Variants in DSCAM observed in about 807,000 individuals in gnomAD.
The protein encoded by DSCAM is DS cell adhesion molecule, also known as cell adhesion molecule DSCAM.
A neutral mutation model predicts 217.7 loss-of-function variants in DSCAM; 47 were observed. That is an observed-to-expected ratio of 0.22 (90% CI 0.17 to 0.28). DSCAM has a LOEUF of 0.28. Ranked by LOEUF, DSCAM falls within the 10% of genes least tolerant of loss-of-function variation. The pLI, the probability that DSCAM is intolerant of heterozygous loss-of-function variation, is 1.00. For synonymous variants in DSCAM, 1,056 were observed against 1,015.3 expected, an observed-to-expected ratio of 1.04 and a Z score of -0.76; for missense variants, 2,080 against 2,618.3, an observed-to-expected ratio of 0.79 and a Z score of 4.49.
At chr21:40,464,219 T>C (rs996027904) in intron 3 of DSCAM, among the ~76,000 whole-genome samples, 17 of 152,302 alleles carry the variant, frequency 1.1e-4, no homozygotes, top group Non-Finnish European at 2.1e-4. Context: ...TCCGGGACTG[T>C]TCTGGGAACA....
At chr21:40,107,150 C>A (rs377009539) in intron 20 of DSCAM, among the ~76,000 whole-genome samples, 1 of 152,184 alleles carries the variant, frequency 6.6e-6, no homozygotes, top group Non-Finnish European at 1.5e-5. Flanking sequence ...AGCAGTGTCT[C>A]AGAGATTCTG....
intron 3 of DSCAM, among the ~76,000 whole-genome samples, chr21:40,474,683 T>C (rs1439326538): frequency 6.6e-6 from 1 of 152,096 alleles, no homozygotes; most frequent in African/African-American, 2.4e-5. Context: ...GGTTTGCACA[T>C]TATCATTAAT....
At chr21:40,552,957 A>G (rs1028810809) in intron 3 of DSCAM, among the ~76,000 whole-genome samples, 19 of 106,280 alleles carry the variant, frequency 1.8e-4, no homozygotes, top group African/African-American at 6.0e-4. Flanking sequence ...ATGTGGAAAC[A>G]GCTTTCTAAT....
intron 1 of DSCAM, among the ~76,000 whole-genome samples, chr21:40,760,915 T>C (rs2091326723): frequency 6.6e-6 from 1 of 152,174 alleles, no homozygotes; most frequent in Non-Finnish European, 1.5e-5. Context: ...TCAGTCCCCA[T>C]AGTGTGTGCA....
At chr21:40,369,398 G>GTGTGTT (rs1040100755) in intron 3 of DSCAM, 153 bp from the exon 4 acceptor site, 9 of 555,574 alleles carry the variant, frequency 1.6e-5, no homozygotes, top group Non-Finnish European at 2.1e-5. Flanking sequence ...GTGTGTGTGT[G>GTGTGTT]TGTGTGTGTG....
chr21:40,435,515 T>C (rs2075574863), intron 3 of DSCAM, among the ~76,000 whole-genome samples: 1 of 125,146 alleles, frequency 8.0e-6, no homozygotes, highest in South Asian at 2.6e-4. Context: ...TAAAAATTAA[T>C]AAATAATACA....
chr21:40,033,748 A>C (rs2088579773), intron 32 of DSCAM, among the ~76,000 whole-genome samples: 1 of 151,584 alleles, frequency 6.6e-6, no homozygotes, highest in Non-Finnish European at 1.5e-5. Context: ...ACAAAAAGAC[A>C]GCAGTAACCT....
intron 18 of DSCAM, among the ~76,000 whole-genome samples, chr21:40,139,091 GGATGTGTGGTGT>G (rs1259341561): frequency 1.4e-5 from 2 of 147,570 alleles, no homozygotes; most frequent in African/African-American, 2.5e-5. Context: ...TGAGTATGTG[GGATGTGTGGTGT>G]GGTGTGTGGT....
At chr21:40,403,262 A>G (rs1169087411) in intron 3 of DSCAM, among the ~76,000 whole-genome samples, 6 of 152,186 alleles carry the variant, frequency 3.9e-5, no homozygotes, top group Non-Finnish European at 1.5e-5. Flanking sequence ...TGTACATTTT[A>G]AAAGAACAAT....
At chr21:40,421,103 T>C (rs2075419476) in intron 3 of DSCAM, among the ~76,000 whole-genome samples, 1 of 152,190 alleles carries the variant, frequency 6.6e-6, no homozygotes, top group African/African-American at 2.4e-5. Flanking sequence ...CATAATATGT[T>C]AACCTGACAA....
chr21:40,825,268 TC>T (rs1297455608), intron 1 of DSCAM, among the ~76,000 whole-genome samples: 3 of 45,074 alleles, frequency 6.7e-5, no homozygotes, highest in African/African-American at 2.2e-4. Context: ...TTTCTTTCTT[TC>T]CTTCCTTCCT....
At chr21:40,316,101 TA>T in intron 8 of DSCAM, among the ~76,000 whole-genome samples, 1 of 152,222 alleles carries the variant, frequency 6.6e-6, no homozygotes, top group South Asian at 2.1e-4. Context: ...AAGATACATT[TA>T]AAATATTTTA....
intron 1 of DSCAM, among the ~76,000 whole-genome samples, chr21:40,746,802 G>A (rs1292817640): frequency 6.6e-6 from 1 of 151,728 alleles, no homozygotes; most frequent in Non-Finnish European, 1.5e-5. Flanking sequence ...TTTTCTCCAG[G>A]ATAGATTATG....
At chr21:40,423,202 G>C (rs1393137968) in intron 3 of DSCAM, among the ~76,000 whole-genome samples, 1 of 152,206 alleles carries the variant, frequency 6.6e-6, no homozygotes, top group African/African-American at 2.4e-5. Flanking sequence ...GCATATGCGA[G>C]CATCTAGAAG....
In DSCAM at chr21:40,209,824, C is replaced by T. The variant is rs7280439; in HGVS notation, c.2357-20586G>A. ...GCTGTGAAATGGCATTATAACTCAT[C>T]GCTCATTCATCTTCCTTTTCCACTC... is the stretch of plus-strand genomic sequence containing the variant. On this transcript the variant is annotated intron_variant, in intron 11 of 32. Coordinates refer to ENST00000400454, the MANE Select transcript of DSCAM (RefSeq NM_001389.5). Among the ~76,000 whole-genome samples the T allele has an allele frequency of 9.9e-3, 1,510 of 152,232 alleles. 29 individuals carry two copies. Among genetic ancestry groups the T allele is most frequent in the African/African-American group, 0.033 (1,354 of 41,534 alleles).
chr21:40,098,162 A>G, intron 20 of DSCAM, among the ~76,000 whole-genome samples: 1 of 152,164 alleles, frequency 6.6e-6, no homozygotes, highest in Admixed American at 6.5e-5. Context: ...TACCAGTAAT[A>G]AAGACAGAAA....
intron 30 of DSCAM, among the ~76,000 whole-genome samples, chr21:40,049,052 G>A (rs2088887469): frequency 6.6e-6 from 1 of 152,194 alleles, no homozygotes; most frequent in Non-Finnish European, 1.5e-5. Flanking sequence ...TGGAGAGTGA[G>A]GGGGGAACCA....
chr21:40,724,901 T>C (rs1433000963), intron 1 of DSCAM, among the ~76,000 whole-genome samples: 1 of 152,252 alleles, frequency 6.6e-6, no homozygotes, highest in Non-Finnish European at 1.5e-5. Flanking sequence ...AGAAATCTAA[T>C]GTTTTAAGTA....
At chr21:40,100,931 T>G (rs2146608973) in intron 20 of DSCAM, among the ~76,000 whole-genome samples, 2 of 152,220 alleles carry the variant, frequency 1.3e-5, no homozygotes, top group East Asian at 3.9e-4. Flanking sequence ...TAATTTTGAG[T>G]GGACTACAGT....
Sources: allele counts gnomAD v4.1 joint callset (sites outside exome capture counted in the v4.1 genomes callset), GRCh38; gene constraint gnomAD v4.1.1; transcripts MANE v1.5; gene names NCBI Gene and HGNC (gene_info 2026-07-23, HGNC 2026-07-21).